The following SYNRG variants were observed in gnomAD, a reference collection of about 807,000 sequenced individuals.
SYNRG encodes the protein synergin gamma.
SYNRG carries 37 observed loss-of-function variants against 130.9 expected under a neutral mutation model. The ratio of observed to expected loss-of-function variants is 0.28; its 90% confidence interval spans 0.22 to 0.37. SYNRG has a LOEUF of 0.37. SYNRG is among the 10% of genes least tolerant of loss of function. The pLI, the probability that SYNRG is intolerant of heterozygous loss-of-function variation, is 1.00. For synonymous variants in SYNRG, 539 were observed against 568.1 expected (o/e 0.95, Z 0.73); for missense variants, 1,338 against 1,588.9 (o/e 0.84, Z 2.68).
At position 37,595,794 on chromosome 17, in the gene SYNRG, G is replaced by C. The variant is rs180670815; in HGVS notation, c.240+429C>G. Among the ~76,000 whole-genome samples the C allele has an allele frequency of 5.0e-3, 676 of 135,902 alleles. 1 individual carries two copies. Among genetic ancestry groups the C allele is most frequent in the African/African-American group, 0.018 (638 of 35,244 alleles). The allele number at this position is 135,902 out of a possible 152,430, so 89.2% of individuals were successfully genotyped here. A position where few individuals can be genotyped will look rare whatever the true frequency, so the allele number is the denominator to read the frequency against. ...TTTGAGACGGGAGTCTCACTTTGTTGCCCAGGCTGGAGTACAGTGGCATGA... is the reference window on the plus strand; with the variant it reads ...TTTGAGACGGGAGTCTCACTTTGTTCCCCAGGCTGGAGTACAGTGGCATGA... On this transcript the variant is annotated intron_variant, in intron 3 of 21. Coordinates refer to ENST00000612223, the MANE Select transcript of SYNRG (RefSeq NM_007247.6).
intron 19 of SYNRG, among the ~76,000 whole-genome samples, chr17:37,532,815 T>G (rs1365762496): frequency 6.6e-6 from 1 of 152,216 alleles, no homozygotes; most frequent in Non-Finnish European, 1.5e-5. Flanking sequence ...TGTTGGTATA[T>G]TTCTCATTGA....
intron 11 of SYNRG, among the ~76,000 whole-genome samples, chr17:37,563,358 T>C (rs768106434): frequency 3.3e-5 from 5 of 152,232 alleles, no homozygotes; most frequent in Non-Finnish European, 7.3e-5. Flanking sequence ...TATTTTACAT[T>C]TTCTCTAGTG....
At position 37,553,338 on chromosome 17, in the gene SYNRG, C is replaced by T; in HGVS notation, c.2385G>A (p.Glu795=). The change falls in exon 14 of 22, where the codon GAG becomes GAA. Residue 795 remains glutamate (E), a synonymous_variant. Transcript: ENST00000612223. ...SSINSDKSLG[E]KAVAFRHTKE... is the part of the protein sequence containing the mutation. Reference sequence around the variant, plus strand: ...TGGTGTGTCTGAAAGCCACTGCTTTCTCTCCCAGGGATTTGTCCGAGTTTA... The same window carrying T: ...TGGTGTGTCTGAAAGCCACTGCTTTTTCTCCCAGGGATTTGTCCGAGTTTA... 2 of 1,614,230 alleles carry T rather than the reference C, an allele frequency of 1.2e-6. No homozygotes were observed. The highest frequency in any genetic ancestry group is 1.1e-5 in the South Asian group (1 of 91,086).
intron 10 of SYNRG, 62 bp from the exon 11 acceptor site, chr17:37,568,986 T>C (rs193294490): frequency 3.9e-4 from 602 of 1,544,028 alleles, no homozygotes; most frequent in Non-Finnish European, 5.0e-4. Context: ...ACACAACAAA[T>C]CAAAAGTCAA....
At chr17:37,541,336 T>C (rs1163667200) in intron 15 of SYNRG, 1 of 807,668 alleles carries the variant, frequency 1.2e-6, no homozygotes, top group Non-Finnish European at 1.5e-6. Context: ...ACAACTTAAG[T>C]AGGTCCGCTG....
Position 37,516,585 on chromosome 17 carries a change from G to T in SYNRG, c.*2355C>A, listed in dbSNP as rs2054440505. 6.6e-6 allele frequency: 1 copy of T among 151,950 alleles called. No homozygotes were observed. Among genetic ancestry groups the T allele is most frequent in the South Asian group, 2.1e-4 (1 of 4,826 alleles). The allele number at this position is 151,950 out of a possible 1,614,324, so 9.4% of individuals were successfully genotyped here. A position where few individuals can be genotyped will look rare whatever the true frequency, so the allele number is the denominator to read the frequency against. ...GTGAGCTTTTTAAAATGTTGATACT[G>T]GGCCACTGTGACATGACAGGCATCT... On this transcript the variant is annotated 3_prime_UTR_variant, in exon 22 of 22. Transcript: ENST00000612223.
At chr17:37,608,397 T>C (rs1421032187) in intron 1 of SYNRG, among the ~76,000 whole-genome samples, 8 of 152,240 alleles carry the variant, frequency 5.3e-5, no homozygotes, top group Admixed American at 2.6e-4. Flanking sequence ...GTGTGTTGGT[T>C]AGTAAAACAA....
chr17:37,569,866 C>T (rs1388534022), intron 10 of SYNRG, among the ~76,000 whole-genome samples: 2 of 152,144 alleles, frequency 1.3e-5, no homozygotes, highest in Admixed American at 6.5e-5. Flanking sequence ...TGAGATTACA[C>T]TATATTGCTC....
chr17:37,585,916 T>C (rs926009320), intron 4 of SYNRG, among the ~76,000 whole-genome samples: 2 of 152,324 alleles, frequency 1.3e-5, no homozygotes, highest in South Asian at 4.1e-4. Context: ...TCACTAGATA[T>C]AAAACAAGAG....
At chr17:37,593,479 A>G (rs1694407665) in intron 3 of SYNRG, among the ~76,000 whole-genome samples, 1 of 152,212 alleles carries the variant, frequency 6.6e-6, no homozygotes, top group South Asian at 2.1e-4. Flanking sequence ...CCAAAGACTT[A>G]AGAGATAACT....
chr17:37,579,538 T>C lies in SYNRG; in HGVS notation c.590-1925A>G, dbSNP rs1007376732. The C allele has an allele frequency of 5.6e-6, 5 of 897,512 alleles. No individual in the cohort carries two copies. The African/African-American group carries it at 8.9e-5, about 16-fold the overall frequency. The allele number at this position is 897,512 out of a possible 1,614,324, so 55.6% of individuals were successfully genotyped here. On this transcript the variant is annotated intron_variant, in intron 6 of 21. Transcript: ENST00000612223. ...CCAAAAGAATATATTGAAACATAAATAGTGGAGGTGAACAAGAAATAACAA... is the reference window on the plus strand; with the variant it reads ...CCAAAAGAATATATTGAAACATAAACAGTGGAGGTGAACAAGAAATAACAA...
chr17:37,529,311 T>G (rs535395313), intron 19 of SYNRG, among the ~76,000 whole-genome samples: 14 of 152,180 alleles, frequency 9.2e-5, no homozygotes, highest in African/African-American at 2.6e-4. Flanking sequence ...AAGGTCTCTT[T>G]AAAAAGGTCT....
At chr17:37,565,732 C>T (rs1218792866) in intron 11 of SYNRG, among the ~76,000 whole-genome samples, 1 of 150,052 alleles carries the variant, frequency 6.7e-6, no homozygotes, top group East Asian at 2.0e-4. Context: ...TCTGCCCGGC[C>T]GCGACCCTGT....
chr17:37,581,592 T>G (rs1023991158), intron 6 of SYNRG, among the ~76,000 whole-genome samples: 1 of 151,546 alleles, frequency 6.6e-6, no homozygotes, highest in African/African-American at 2.4e-5. Context: ...TTTGTTTTTG[T>G]TTTTGTTTTT....
chr17:37,606,015 A>C, intron 1 of SYNRG: 6 of 985,060 alleles, frequency 6.1e-6, no homozygotes, highest in Non-Finnish European at 6.0e-6. Context: ...ATTACGCAAT[A>C]ATTAAATGGT....
At chr17:37,577,315 A>T in intron 7 of SYNRG, 65 bp downstream of exon 7, 1 of 1,422,202 alleles carries the variant, frequency 7.0e-7, no homozygotes, top group Non-Finnish European at 9.9e-7. Context: ...ATTAATGCTT[A>T]AGGTGTTAGC....
intron 19 of SYNRG, among the ~76,000 whole-genome samples, chr17:37,530,729 A>G (rs1430693730): frequency 6.6e-6 from 1 of 152,216 alleles, no homozygotes; most frequent in African/African-American, 2.4e-5. Context: ...GAAATAGAGG[A>G]TAAGTAGTAA....
chr17:37,585,288 T>A, intron 5 of SYNRG, 37 bp downstream of exon 5: 2 of 1,520,824 alleles, frequency 1.3e-6, no homozygotes, highest in Middle Eastern at 3.4e-4. Flanking sequence ...ATTCAGGGTG[T>A]GTATGTTCTG....
intron 19 of SYNRG, among the ~76,000 whole-genome samples, chr17:37,534,270 A>C (rs998589812): frequency 6.6e-6 from 1 of 151,996 alleles, no homozygotes; most frequent in Admixed American, 6.6e-5. Context: ...CTAACTACTA[A>C]TAATATGTAG....
Sources: allele counts gnomAD v4.1 joint callset (sites outside exome capture counted in the v4.1 genomes callset), GRCh38; gene constraint gnomAD v4.1.1; transcripts MANE v1.5; gene names NCBI Gene and HGNC (gene_info 2026-07-23, HGNC 2026-07-21).